Variants in TRABD2B observed in about 807,000 individuals in gnomAD.
The protein encoded by TRABD2B is TraB domain containing 2B.
TRABD2B carries 14 observed loss-of-function variants against 40.1 expected under a neutral mutation model. That is an observed-to-expected ratio of 0.35 (90% CI 0.23 to 0.55). TRABD2B has a LOEUF of 0.55. Ranked by LOEUF, TRABD2B falls within the 20% of genes least tolerant of loss-of-function variation. The probability of loss-of-function intolerance (pLI) is 0.90; values close to 1 mark genes in which losing one functional copy is unlikely to be tolerated. For missense variants in TRABD2B, 541 were observed against 648.6 expected (o/e 0.83, Z 1.80); for synonymous variants, 263 against 277.0 (o/e 0.95, Z 0.50).
At chr1:47,901,166 G>A (rs996693568) in intron 2 of TRABD2B, among the ~76,000 whole-genome samples, 4 of 152,148 alleles carry the variant, frequency 2.6e-5, no homozygotes, top group African/African-American at 4.8e-5. Flanking sequence ...AGCCCCTGCC[G>A]CCCTGCAAAA....
intron 2 of TRABD2B, among the ~76,000 whole-genome samples, chr1:47,852,368 G>A (rs1311532250): frequency 6.6e-6 from 1 of 152,156 alleles, no homozygotes; most frequent in African/African-American, 2.4e-5. Flanking sequence ...TAATCTAACC[G>A]ACCATGAACA....
At chr1:47,901,423 C>T (rs1012292491) in intron 2 of TRABD2B, among the ~76,000 whole-genome samples, 5 of 152,218 alleles carry the variant, frequency 3.3e-5, no homozygotes, top group African/African-American at 1.2e-4. Flanking sequence ...GAAGCTCTTG[C>T]TCAGCCAGCA....
chr1:47,951,155 G>C (rs903767926), intron 2 of TRABD2B, among the ~76,000 whole-genome samples: 1 of 152,188 alleles, frequency 6.6e-6, no homozygotes, highest in African/African-American at 2.4e-5. Context: ...CCAGCGCCAA[G>C]CCAAGCGGGC....
chr1:47,971,143 G>T (rs1645676459), intron 2 of TRABD2B, among the ~76,000 whole-genome samples: 1 of 152,168 alleles, frequency 6.6e-6, no homozygotes, highest in South Asian at 2.1e-4. Flanking sequence ...TTGTATCATA[G>T]GTACACATCC....
intron 2 of TRABD2B, among the ~76,000 whole-genome samples, chr1:47,897,259 G>A (rs762109327): frequency 2.0e-5 from 3 of 152,198 alleles, no homozygotes; most frequent in Non-Finnish European, 4.4e-5. Flanking sequence ...GCATGTCCCA[G>A]AAACAGCAAG....
chr1:47,995,977 TAGAG>T (rs1221337555), intron 1 of TRABD2B, among the ~76,000 whole-genome samples: 1 of 152,166 alleles, frequency 6.6e-6, no homozygotes, highest in Non-Finnish European at 1.5e-5. Flanking sequence ...AATTTACACT[TAGAG>T]GGAAAGATAC....
At chr1:47,793,097 T>G (rs1389210857) in intron 4 of TRABD2B, among the ~76,000 whole-genome samples, 3 of 152,052 alleles carry the variant, frequency 2.0e-5, no homozygotes, top group Admixed American at 2.0e-4. Flanking sequence ...TGCCAGTCAA[T>G]GTCCTGCTCC....
chr1:47,832,554 G>A (rs958391164), intron 2 of TRABD2B, among the ~76,000 whole-genome samples: 1 of 152,106 alleles, frequency 6.6e-6, no homozygotes, highest in Non-Finnish European at 1.5e-5. Flanking sequence ...AATTTAAATG[G>A]CTATAATTCT....
intron 2 of TRABD2B, among the ~76,000 whole-genome samples, chr1:47,805,482 G>GA (rs953780171): frequency 6.6e-6 from 1 of 151,948 alleles, no homozygotes; most frequent in Non-Finnish European, 1.5e-5. Context: ...GTCTCCCAAA[G>GA]ACCCCTGTCC....
rs1644287653 is a variant in TRABD2B at position 47,765,220 on chromosome 1, G to A, written c.*682C>T. On this transcript the variant is annotated 3_prime_UTR_variant, in exon 7 of 7. Coordinates refer to ENST00000606738, the MANE Select transcript of TRABD2B (RefSeq NM_001194986.2). ...GTTTATTCATTTGTTCTGTGGGGTG[G>A]GGACTGCTTTCCTCAGCACCAGTAT... The A allele has an allele frequency of 1.3e-5, 2 of 152,250 alleles. No homozygotes were observed. Among genetic ancestry groups the A allele is most frequent in the Admixed American group, 1.3e-4 (2 of 15,280 alleles). The allele number at this position is 152,250 out of a possible 1,614,324, so 9.4% of individuals were successfully genotyped here. A position where few individuals can be genotyped will look rare whatever the true frequency, so the allele number is the denominator to read the frequency against.
chr1:47,932,185 T>C (rs898439438), intron 2 of TRABD2B, among the ~76,000 whole-genome samples: 1 of 152,144 alleles, frequency 6.6e-6, no homozygotes, highest in Admixed American at 6.5e-5. Flanking sequence ...CTGCTCCAAT[T>C]TTAAGACCTC....
intron 2 of TRABD2B, among the ~76,000 whole-genome samples, chr1:47,958,832 G>A (rs1294677283): frequency 6.6e-6 from 1 of 152,092 alleles, no homozygotes; most frequent in Non-Finnish European, 1.5e-5. Context: ...GGATATCCAG[G>A]AATTGAACTC....
chr1:47,976,290 G>A (rs1342287205), intron 2 of TRABD2B, among the ~76,000 whole-genome samples: 2 of 152,038 alleles, frequency 1.3e-5, no homozygotes, highest in African/African-American at 4.8e-5. Context: ...AGGCCTGCAG[G>A]GTTTGTAGAA....
chr1:47,889,511 C>A (rs1222880745), intron 2 of TRABD2B, among the ~76,000 whole-genome samples: 2 of 152,142 alleles, frequency 1.3e-5, no homozygotes, highest in African/African-American at 2.4e-5. Flanking sequence ...GGGGATAAGA[C>A]CTTGGAAGTG....
chr1:47,928,236 C>CA (rs1051772811), intron 2 of TRABD2B, among the ~76,000 whole-genome samples: 114 of 152,212 alleles, frequency 7.5e-4, no homozygotes, highest in Non-Finnish European at 1.5e-3. Flanking sequence ...AAGGAAGAAT[C>CA]ACAGGCCCTG....
At chr1:47,794,997 C>T (rs539305478) in intron 3 of TRABD2B, among the ~76,000 whole-genome samples, 1 of 152,232 alleles carries the variant, frequency 6.6e-6, no homozygotes, top group African/African-American at 2.4e-5. Context: ...TCGAACTCCT[C>T]CTGGCTCAAG....
intron 6 of TRABD2B, among the ~76,000 whole-genome samples, chr1:47,769,791 C>T (rs867013684): frequency 5.9e-5 from 9 of 152,240 alleles, no homozygotes; most frequent in African/African-American, 2.2e-4. Context: ...AGGCAGAAGC[C>T]TGGCTCTAGC....
At chr1:47,919,775 C>T (rs6662679) in intron 2 of TRABD2B, among the ~76,000 whole-genome samples, 4,696 of 152,284 alleles carry the variant, frequency 0.031, 260 homozygotes, top group African/African-American at 0.11. Flanking sequence ...GCCCTTCCAA[C>T]AAGGCATGCT....
chr1:47,813,950 G>A lies in TRABD2B; in HGVS notation c.667-12331C>T, dbSNP rs767084249. On this transcript the variant is annotated intron_variant, in intron 2 of 6. Transcript: ENST00000606738. This position sits in a 1 kb window ranked among gnomAD's most constrained non-coding sequence, Gnocchi z 4.3. ...AAGGGAGGAAGTTCCAGGAAGACTT[G>A]CGACAAGATCAAGTAACATTCATTA... 6.6e-6 allele frequency among the ~76,000 whole-genome samples: 1 copy of A among 152,190 alleles called. No homozygotes were observed. The highest frequency in any genetic ancestry group is 1.5e-5 in the Non-Finnish European group (1 of 68,038).
Sources: gnomAD v4.1 joint callset for allele counts (sites outside exome capture counted in the v4.1 genomes callset) on GRCh38, gnomAD v4.1.1 for gene constraint, Gnocchi (gnomAD v3.1) non-coding constraint, MANE v1.5 for transcripts, NCBI Gene and HGNC (gene_info 2026-07-23, HGNC 2026-07-21) for gene names.